Variants in GALNT17 observed in about 807,000 individuals in gnomAD.
GALNT17 encodes polypeptide N-acetylgalactosaminyltransferase 17, also known as UDP-GalNAc:polypeptide N-acetylgalactosaminyltransferase-like 3.
GALNT17 carries 29 observed loss-of-function variants against 63.7 expected under a neutral mutation model. That is an observed-to-expected ratio of 0.46 (90% CI 0.34 to 0.62). The LOEUF (loss-of-function observed/expected upper bound fraction) is 0.62, where lower values mean the gene tolerates loss of function less well. GALNT17 is among the 20% of genes least tolerant of loss of function. The probability of loss-of-function intolerance (pLI) is 0.01; values close to 1 mark genes in which losing one functional copy is unlikely to be tolerated. For synonymous variants in GALNT17, 305 were observed against 318.3 expected, an observed-to-expected ratio of 0.96 and a Z score of 0.45; for missense variants, 603 against 799.6, an observed-to-expected ratio of 0.75 and a Z score of 2.97.
In GALNT17 at chr7:71,702,964, C is replaced by T. The variant is rs549398440; in HGVS notation, c.1501-7797C>T. On this transcript the variant is annotated intron_variant, in intron 9 of 10. Coordinates refer to ENST00000333538, the MANE Select transcript of GALNT17 (RefSeq NM_022479.3). Reference sequence around the variant, plus strand: ...AGTTGGGTCATCTAAATTTAAAATGCTTATTAGACATCCAAGTGGTATGTC... The same window carrying T: ...AGTTGGGTCATCTAAATTTAAAATGTTTATTAGACATCCAAGTGGTATGTC... Among the ~76,000 whole-genome samples the T allele has an allele frequency of 3.9e-5, 6 of 152,250 alleles. No homozygotes were observed. The South Asian group carries it at 1.2e-3, about 32-fold the overall frequency.
At chr7:71,701,843 G>GTA (rs748494176) in intron 9 of GALNT17, among the ~76,000 whole-genome samples, 7,606 of 28,102 alleles carry the variant, frequency 0.27, 378 homozygotes, top group South Asian at 0.45. Flanking sequence ...ATATATATGT[G>GTA]TATATATATA....
At chr7:71,321,605 C>T (rs1791606423) in intron 1 of GALNT17, among the ~76,000 whole-genome samples, 1 of 148,680 alleles carries the variant, frequency 6.7e-6, no homozygotes, top group African/African-American at 2.4e-5. Flanking sequence ...TTCTCCCCTC[C>T]CTCCCTCCCT....
At chr7:71,349,483 T>C (rs1792154016) in intron 2 of GALNT17, among the ~76,000 whole-genome samples, 1 of 152,204 alleles carries the variant, frequency 6.6e-6, no homozygotes, top group African/African-American at 2.4e-5. Context: ...AACATATTTG[T>C]TCTTGGAAAA....
In GALNT17 at chr7:71,209,226, A is replaced by G. The variant is rs373000083; in HGVS notation, c.238+76186A>G. On this transcript the variant is annotated intron_variant, in intron 1 of 10. Transcript: ENST00000333538. ...CCATTCTTCACTTGAGGGCCTTTCA[A>G]AAACAAGGCAGTGGGCAAGATTTGG... Among the ~76,000 whole-genome samples the G allele has an allele frequency of 7.2e-5, 11 of 152,372 alleles. No individual in the cohort carries two copies. The East Asian group carries it at 1.2e-3, about 16-fold the overall frequency.
chr7:71,464,427 C>T (rs1787502647), intron 5 of GALNT17, among the ~76,000 whole-genome samples: 1 of 152,108 alleles, frequency 6.6e-6, no homozygotes, highest in African/African-American at 2.4e-5. Flanking sequence ...TTGCCAAGAA[C>T]ACGCTCCTGG....
chr7:71,657,658 T>C (rs1313809318), intron 6 of GALNT17, among the ~76,000 whole-genome samples: 1 of 152,146 alleles, frequency 6.6e-6, no homozygotes, highest in East Asian at 1.9e-4. Flanking sequence ...TTCTGTAAAA[T>C]TGAGTCATCA....
chr7:71,165,956 T>C (rs903301708), intron 1 of GALNT17, among the ~76,000 whole-genome samples: 1 of 151,722 alleles, frequency 6.6e-6, no homozygotes, highest in Non-Finnish European at 1.5e-5. Flanking sequence ...TGCTCTTTTT[T>C]TTTTCCTCCT....
intron 1 of GALNT17, among the ~76,000 whole-genome samples, chr7:71,135,230 A>G (rs1787761178): frequency 6.6e-6 from 1 of 152,196 alleles, no homozygotes; most frequent in African/African-American, 2.4e-5. Flanking sequence ...ATAAAATTCT[A>G]TAATAATAAC....
intron 5 of GALNT17, among the ~76,000 whole-genome samples, chr7:71,524,225 A>T (rs1039505454): frequency 9.5e-5 from 14 of 147,720 alleles, no homozygotes; most frequent in Admixed American, 7.5e-4. Flanking sequence ...CTATTATTAT[A>T]TTATATTATA....
chr7:71,513,933 G>C (rs749891763), intron 5 of GALNT17, among the ~76,000 whole-genome samples: 1 of 152,010 alleles, frequency 6.6e-6, no homozygotes, highest in African/African-American at 2.4e-5. Context: ...GGCTTATGCC[G>C]GTCATCCCAG....
rs533952429 is a variant in GALNT17 at position 71,280,524 on chromosome 7, A to G, written c.239-55026A>G. On this transcript the variant is annotated intron_variant, in intron 1 of 10. Transcript: ENST00000333538. ...GAAGACCCTCTTGGTTGCAAGTGAC[A>G]GAAAACCCGTTTAACCTAGCTGAAG... 4.6e-5 allele frequency among the ~76,000 whole-genome samples: 7 copies of G among 152,334 alleles called. No homozygotes were observed. The South Asian group carries it at 1.0e-3, about 23-fold the overall frequency.
At chr7:71,287,256 A>AATTTTTGT (rs1261475717) in intron 1 of GALNT17, among the ~76,000 whole-genome samples, 1 of 151,624 alleles carries the variant, frequency 6.6e-6, no homozygotes. Flanking sequence ...ATGCCTGGCT[A>AATTTTTGT]ATTTTTGTAT....
At chr7:71,681,285 G>A (rs971334269) in intron 9 of GALNT17, among the ~76,000 whole-genome samples, 1 of 152,212 alleles carries the variant, frequency 6.6e-6, no homozygotes, top group Non-Finnish European at 1.5e-5. Context: ...GGATGTCAGG[G>A]AGCCACTGGA....
At chr7:71,647,078 T>G (rs543127012) in intron 6 of GALNT17, among the ~76,000 whole-genome samples, 9 of 150,752 alleles carry the variant, frequency 6.0e-5, no homozygotes, top group African/African-American at 2.0e-4. Context: ...TTTATTTTAT[T>G]TTTTGAGACA....
intron 9 of GALNT17, among the ~76,000 whole-genome samples, chr7:71,693,568 T>C (rs1791494190): frequency 1.3e-5 from 2 of 151,812 alleles, no homozygotes; most frequent in South Asian, 4.2e-4. Flanking sequence ...ACCAAATAAC[T>C]TCTCTCTTAT....
At chr7:71,555,810 G>A (rs893369246) in intron 5 of GALNT17, among the ~76,000 whole-genome samples, 1 of 152,188 alleles carries the variant, frequency 6.6e-6, no homozygotes, top group Admixed American at 6.5e-5. Context: ...TGGCTTCACC[G>A]GTCTGCTGTC....
chr7:71,540,403 C>T (rs1006193601), intron 5 of GALNT17, among the ~76,000 whole-genome samples: 6 of 151,964 alleles, frequency 3.9e-5, no homozygotes, highest in African/African-American at 1.4e-4. Context: ...AGGTGTGAGC[C>T]ACTGTGTCTG....
chr7:71,508,970 G>C (rs6961004), intron 5 of GALNT17, among the ~76,000 whole-genome samples: 5 of 152,054 alleles, frequency 3.3e-5, no homozygotes, highest in African/African-American at 4.8e-5. Flanking sequence ...GTGTGTCTGC[G>C]TACATACAGC....
intron 3 of GALNT17, among the ~76,000 whole-genome samples, chr7:71,398,534 C>T (rs1215526675): frequency 1.3e-5 from 2 of 152,078 alleles, no homozygotes; most frequent in East Asian, 1.9e-4. Context: ...AACTTTTTCT[C>T]CCTGCATAGT....
Sources: gnomAD v4.1 joint callset for allele counts (sites outside exome capture counted in the v4.1 genomes callset) on GRCh38, gnomAD v4.1.1 for gene constraint, MANE v1.5 for transcripts, NCBI Gene and HGNC (gene_info 2026-07-23, HGNC 2026-07-21) for gene names.